The following ADK variants were observed in gnomAD, a reference collection of about 807,000 sequenced individuals.
ADK encodes the protein adenosine kinase.
A neutral mutation model predicts 44.7 loss-of-function variants in ADK; 24 were observed. That is an observed-to-expected ratio of 0.54 (90% confidence interval 0.39 to 0.76). The LOEUF is 0.76. Among genes scored for constraint, ADK ranks in the 30% least tolerant of loss-of-function variants. The pLI is 0.00. For missense variants in ADK, 321 were observed against 425.1 expected, an observed-to-expected ratio of 0.76 and a Z score of 2.15; for synonymous variants, 128 against 142.6, an observed-to-expected ratio of 0.90 and a Z score of 0.73.
chr10:74,392,814 G>A (rs1843382190), intron 4 of ADK, among the ~76,000 whole-genome samples: 1 of 151,038 alleles, frequency 6.6e-6, no homozygotes, highest in Middle Eastern at 3.4e-3. Flanking sequence ...ATTTTTTTTT[G>A]AAGTTAACAA....
chr10:74,433,227 C>T (rs1592206854), intron 6 of ADK, among the ~76,000 whole-genome samples: 1 of 152,194 alleles, frequency 6.6e-6, no homozygotes, highest in African/African-American at 2.4e-5. Flanking sequence ...TTTTAGAGTG[C>T]TCATTCATGA....
chr10:74,276,142 G>A (rs1327430317), intron 3 of ADK, among the ~76,000 whole-genome samples: 1 of 152,102 alleles, frequency 6.6e-6, no homozygotes, highest in Non-Finnish European at 1.5e-5. Context: ...TTGCACGTGC[G>A]CTCAGCTCTT....
intron 4 of ADK, among the ~76,000 whole-genome samples, chr10:74,369,541 G>A (rs1256282239): frequency 2.0e-5 from 3 of 152,152 alleles, no homozygotes; most frequent in African/African-American, 4.8e-5. Flanking sequence ...AAGAAAATTT[G>A]TGTGTTTATT....
chr10:74,605,574 T>G (rs1852292263), intron 9 of ADK, among the ~76,000 whole-genome samples: 1 of 152,180 alleles, frequency 6.6e-6, no homozygotes, highest in Non-Finnish European at 1.5e-5. Context: ...TGAACCAGCC[T>G]TGCATCCCAG....
At chr10:74,151,696 C>A (rs1841595160) in intron 1 of ADK, among the ~76,000 whole-genome samples, 1 of 152,218 alleles carries the variant, frequency 6.6e-6, no homozygotes, top group African/African-American at 2.4e-5. Context: ...GCCTTCTCTT[C>A]CCGGGGGATG....
At chr10:74,195,688 CTTTCTTTT>C (rs1843109288) in intron 1 of ADK, among the ~76,000 whole-genome samples, 1 of 132,766 alleles carries the variant, frequency 7.5e-6, no homozygotes, top group African/African-American at 2.8e-5. Flanking sequence ...TTCTTTCTTT[CTTTCTTTT>C]TCTTTTCTTT....
chr10:74,452,235 C>T (rs774756764), intron 6 of ADK, among the ~76,000 whole-genome samples: 5 of 151,752 alleles, frequency 3.3e-5, no homozygotes, highest in Admixed American at 2.6e-4. Context: ...TATCTAAACT[C>T]GGATTATTTC....
In ADK at chr10:74,224,554, A is replaced by G. The variant is rs745774033; in HGVS notation, c.157A>G (p.Asn53Asp). ...DFLDKYSLKP[N>D]DQILAEDKHK... ...GTTATACAGGTATTCTCTGAAACCA[A>G]ATGACCAAATCTTGGCTGAAGACAA... The change falls in exon 3 of 11, where the codon AAT becomes GAT. Residue 53 changes from asparagine (N) to aspartate (D), a missense_variant. Asn to Asp is a conservative substitution (Grantham distance 23, BLOSUM62 1). Coordinates refer to ENST00000539909, the MANE Select transcript of ADK (RefSeq NM_006721.4). The G allele has an allele frequency of 1.1e-5, 18 of 1,613,596 alleles. No individual in the cohort carries two copies. Among genetic ancestry groups the G allele is most frequent in the Admixed American group, 3.3e-5 (2 of 59,994 alleles).
intron 9 of ADK, among the ~76,000 whole-genome samples, chr10:74,637,011 T>C (rs1853641928): frequency 6.6e-6 from 1 of 152,210 alleles, no homozygotes; most frequent in African/African-American, 2.4e-5. Flanking sequence ...TTGGTGACTA[T>C]ATGAGATGAA....
At chr10:74,690,059 A>T (rs1328490567) in intron 10 of ADK, among the ~76,000 whole-genome samples, 1 of 152,192 alleles carries the variant, frequency 6.6e-6, no homozygotes, top group Admixed American at 6.5e-5. Flanking sequence ...TTTACAGTAG[A>T]TTCCCATTTG....
chr10:74,610,644 T>A (rs972322284), intron 9 of ADK, among the ~76,000 whole-genome samples: 1 of 151,858 alleles, frequency 6.6e-6, no homozygotes, highest in African/African-American at 2.4e-5. Context: ...ATGCTGGGGG[T>A]GAAGGCAGAA....
chr10:74,391,652 T>TATAC (rs1491270919), intron 4 of ADK, among the ~76,000 whole-genome samples: 2 of 74,250 alleles, frequency 2.7e-5, no homozygotes, highest in African/African-American at 6.9e-5. Flanking sequence ...GGCAAGAATA[T>TATAC]ACACACACAC....
At chr10:74,361,330 TACTG>T (rs1842330277) in intron 4 of ADK, among the ~76,000 whole-genome samples, 1 of 152,230 alleles carries the variant, frequency 6.6e-6, no homozygotes, top group Non-Finnish European at 1.5e-5. Flanking sequence ...CTTCTTTTCT[TACTG>T]TCTTTCTTTG....
Position 74,557,376 on chromosome 10 carries a change from T to A in ADK, c.727-31906T>A, listed in dbSNP as rs372726971. On this transcript the variant is annotated intron_variant, in intron 7 of 10. Coordinates refer to ENST00000539909, the MANE Select transcript of ADK (RefSeq NM_006721.4). ...AACTATGTAATATTGGATACTTCTG[T>A]GTCTATATAATTTGCAACAAAGTAG... 1.1e-3 allele frequency among the ~76,000 whole-genome samples: 172 copies of A among 152,318 alleles called. 4 individuals carry two copies. The South Asian group carries it at 0.034, about 31-fold the overall frequency.
At chr10:74,645,676 G>A (rs942470961) in intron 9 of ADK, among the ~76,000 whole-genome samples, 2 of 152,152 alleles carry the variant, frequency 1.3e-5, no homozygotes, top group African/African-American at 4.8e-5. Flanking sequence ...ATACATTGAT[G>A]TGTACCTTGT....
At chr10:74,446,737 T>C (rs1208264762) in intron 6 of ADK, among the ~76,000 whole-genome samples, 2 of 152,148 alleles carry the variant, frequency 1.3e-5, no homozygotes, top group Non-Finnish European at 2.9e-5. Flanking sequence ...CTTGGAAATA[T>C]GTTAAAAAGA....
chr10:74,565,665 T>G (rs924403554), intron 7 of ADK, among the ~76,000 whole-genome samples: 1 of 141,118 alleles, frequency 7.1e-6, no homozygotes, highest in Non-Finnish European at 1.5e-5. Context: ...AGGCAGAGGT[T>G]GCAGTGAGCC....
chr10:74,307,169 C>G (rs910123526), intron 3 of ADK, among the ~76,000 whole-genome samples: 4 of 152,158 alleles, frequency 2.6e-5, no homozygotes, highest in African/African-American at 9.7e-5. Context: ...GCTTTCATTT[C>G]TTGCCTATTA....
intron 6 of ADK, among the ~76,000 whole-genome samples, chr10:74,432,744 G>A (rs1454662528): frequency 6.6e-6 from 1 of 152,062 alleles, no homozygotes; most frequent in African/African-American, 2.4e-5. Flanking sequence ...TATATTTTGA[G>A]TACTTATATA....
Sources: gnomAD v4.1 joint callset for allele counts (sites outside exome capture counted in the v4.1 genomes callset) on GRCh38, gnomAD v4.1.1 for gene constraint, MANE v1.5 for transcripts, NCBI Gene and HGNC (gene_info 2026-07-23, HGNC 2026-07-21) for gene names.